The following C1orf167 variants were observed in gnomAD, a reference collection of about 807,000 sequenced individuals.
C1orf167 encodes the protein chromosome 1 open reading frame 167, also known as uncharacterized protein C1orf167.
C1orf167 carries 153 observed loss-of-function variants against 176.5 expected under a neutral mutation model. The observed-to-expected ratio is 0.87, with a 90% CI of 0.76 to 0.99. The LOEUF is 0.99. C1orf167 is among the 50% of genes least tolerant of loss of function. The pLI, the probability that C1orf167 is intolerant of heterozygous loss-of-function variation, is 0.00. For synonymous variants in C1orf167, 594 were observed against 752.7 expected (o/e 0.79, Z 3.45); for missense variants, 1,490 against 1,817.7 (o/e 0.82, Z 3.28).
chr1:11,789,088 C>A, intron 20 of C1orf167, 182 bp from the exon 21 acceptor site: 1 of 518,616 alleles, frequency 1.9e-6, no homozygotes, highest in Non-Finnish European at 3.2e-6. Context: ...AGCTTCCCAG[C>A]TCACCATCAG....
intron 20 of C1orf167, chr1:11,789,055 C>G (rs1316260658): frequency 4.6e-6 from 2 of 431,254 alleles, no homozygotes; most frequent in Non-Finnish European, 8.4e-6. Context: ...CGCCCCCTCC[C>G]TCATTTGCTC....
chr1:11,775,290 AAAC>A (rs1359457773), intron 8 of C1orf167, 142 bp from the exon 9 acceptor site: 25 of 581,058 alleles, frequency 4.3e-5, no homozygotes, highest in Middle Eastern at 6.3e-4. Flanking sequence ...CTCCGTCTAC[AAAC>A]AACAACAACA....
Position 11,766,814 on chromosome 1 carries a change from A to C in C1orf167, c.1028A>C (p.Gln343Pro), listed in dbSNP as rs192396656. The change falls in exon 3 of 21, where the codon CAG becomes CCG. Residue 343 changes from glutamine (Q) to proline (P), a missense_variant. Gln to Pro is a moderately conservative substitution (Grantham distance 76). Transcript: ENST00000688073. The surrounding 1 kb of genome is among the most constrained non-coding windows in gnomAD (Gnocchi z 4.5). ...ACCAAGGATTCCCTTAATCCTGAGC[A>C]GGGGCTCCCTCCTGCCCACCCCCTA... ...TRTKDSLNPE[Q>P]GLPPAHPLGS... The C allele has an allele frequency of 2.3e-4, 303 of 1,289,406 alleles. 1 individual carries two copies. In the East Asian group the frequency reaches 0.014, roughly 58 times the overall value. The allele number at this position is 1,289,406 out of a possible 1,614,324, so 79.9% of individuals were successfully genotyped here. A position where few individuals can be genotyped will look rare whatever the true frequency, so the allele number is the denominator to read the frequency against.
chr1:11,784,870 G>A (rs1366232542), intron 15 of C1orf167, among the ~76,000 whole-genome samples: 3 of 152,338 alleles, frequency 2.0e-5, no homozygotes, highest in Non-Finnish European at 4.4e-5. Context: ...CCATAAACGC[G>A]CTCTTGCCAG....
rs745782324 is a variant in C1orf167 at position 11,784,585 on chromosome 1, G to A, written c.3417G>A (p.Pro1139=). Reference sequence around the variant, plus strand: ...GCCGAGCCCATGCTTCCTGGAAGCCGCGAGCCTGGTGAGTGCTGTGGTCTA... The same window carrying A: ...GCCGAGCCCATGCTTCCTGGAAGCCACGAGCCTGGTGAGTGCTGTGGTCTA... ...QVSRAHASWK[P]RAWVLEASVQ... is the part of the protein sequence containing the mutation. The change falls in exon 15 of 21, where the codon CCG becomes CCA. Residue 1139 remains proline (P), a synonymous_variant. Transcript: ENST00000688073. 2.4e-4 allele frequency: 306 copies of A among 1,253,072 alleles called. 1 individual carries two copies. The highest frequency in any genetic ancestry group is 3.1e-4 in the Non-Finnish European group (299 of 962,982). The allele number at this position is 1,253,072 out of a possible 1,614,324, so 77.6% of individuals were successfully genotyped here. A position where few individuals can be genotyped will look rare whatever the true frequency, so the allele number is the denominator to read the frequency against.
At chr1:11,785,517 A>G (rs1039862121) in intron 16 of C1orf167, among the ~76,000 whole-genome samples, 4 of 151,918 alleles carry the variant, frequency 2.6e-5, no homozygotes, top group Admixed American at 2.0e-4. Flanking sequence ...CGTATGCACC[A>G]CCTCTCCCCA....
rs138288803 is a variant in C1orf167, at chr1:11,787,929, C to G, written c.3730C>G (p.Gln1244Glu). Residue 1244 changes from glutamine (Q) to glutamate (E), a missense_variant, in exon 18 of 21, where the codon CAG becomes GAG. By Grantham distance (29) the Gln-to-Glu change is conservative (BLOSUM62 2). Transcript: ENST00000688073. ...CCAGCTCTGGCCACAGTGGCCTGGA[C>G]AGAGTAGCTGGGTCCCAGGCCTGCC... ...AFQLWPQWPG[Q>E]SSWVPGLPLW... 2.3e-6 allele frequency: 3 copies of G among 1,302,680 alleles called. No individual in the cohort carries two copies. The highest frequency in any genetic ancestry group is 3.0e-6 in the Non-Finnish European group (3 of 988,132). The allele number at this position is 1,302,680 out of a possible 1,614,324, so 80.7% of individuals were successfully genotyped here.
Position 11,776,654 on chromosome 1 carries a change from C to G in C1orf167, c.2339+16C>G. 8.4e-7 allele frequency: 1 copy of G among 1,194,738 alleles called. No individual in the cohort carries two copies. Among genetic ancestry groups the G allele is most frequent in the African/African-American group, 1.6e-5 (1 of 61,434 alleles). The allele number at this position is 1,194,738 out of a possible 1,614,324, so 74.0% of individuals were successfully genotyped here. Reference sequence around the variant, plus strand: ...AGTGGGCCAAGTAGGTGTCCTCGAGCTTGTGACCTGGGGTTGGGCCTGGGG... The same window carrying G: ...AGTGGGCCAAGTAGGTGTCCTCGAGGTTGTGACCTGGGGTTGGGCCTGGGG... On this transcript the variant is annotated intron_variant, in intron 10 of 20. Transcript: ENST00000688073.
chr1:11,787,618 C>A, intron 17 of C1orf167, 125 bp downstream of exon 17: 2 of 789,026 alleles, frequency 2.5e-6, no homozygotes, highest in Non-Finnish European at 3.4e-6. Flanking sequence ...ACCATTCTCC[C>A]CATCCATTCC....
Position 11,778,719 on chromosome 1 carries a change from T to C in C1orf167, c.2399T>C (p.Leu800Ser), listed in dbSNP as rs545727889. The C allele has an allele frequency of 3.3e-5, 43 of 1,303,952 alleles. No homozygotes were observed. The African/African-American group carries it at 6.5e-4, about 20-fold the overall frequency. The allele number at this position is 1,303,952 out of a possible 1,614,324, so 80.8% of individuals were successfully genotyped here. Residue 800 changes from leucine to serine, a missense_variant, in exon 11 of 21, where the codon TTG becomes TCG. Physicochemically the swap from Leu to Ser is moderately radical, Grantham distance 145. Coordinates refer to ENST00000688073, the MANE Select transcript of C1orf167 (RefSeq NM_001010881.2). The stretch of plus-strand genomic sequence containing the variant: ...CAGCGCAGCCTGAGATGGTGGCACT[T>C]GAGGGCACTGGGCCCAGATGCCACA... The part of the protein sequence containing the change: ...MLQRSLRWWH[L>S]RALGPDATSS...
In C1orf167 at chr1:11,769,309, G is replaced by A. The variant is rs140345763; in HGVS notation, c.1697+182G>A. On this transcript the variant is annotated intron_variant, in intron 6 of 20. Coordinates refer to ENST00000688073, the MANE Select transcript of C1orf167 (RefSeq NM_001010881.2). ...ATTGTAAAAACTTCAAAACAGCCAG[G>A]CACGGTGGCTCACACCTATAATCCC... Among the ~76,000 whole-genome samples, 173 of 152,332 alleles carry A rather than the reference G, an allele frequency of 1.1e-3. 2 individuals carry two copies. Among genetic ancestry groups the A allele is most frequent in the African/African-American group, 4.0e-3 (168 of 41,582 alleles).
intron 6 of C1orf167, among the ~76,000 whole-genome samples, chr1:11,771,031 A>ATGTGTGTGTG (rs58020814): frequency 0.069 from 2,404 of 35,040 alleles, 130 homozygotes; most frequent in South Asian, 0.22. Flanking sequence ...GTGTGTGTGT[A>ATGTGTGTGTG]TGTGTGTGTG....
intron 13 of C1orf167, 117 bp from the exon 14 acceptor site, chr1:11,782,068 ACAGT>A (rs1557739747): frequency 1.1e-6 from 1 of 885,140 alleles, no homozygotes; most frequent in Non-Finnish European, 1.4e-6. Flanking sequence ...TTTAACCCAG[ACAGT>A]CAGGGTGGCC....
chr1:11,767,015 G>T lies in C1orf167; in HGVS notation c.1229G>T (p.Arg410Leu). 8.3e-7 allele frequency: 1 copy of T among 1,210,906 alleles called. No homozygotes were observed. The highest frequency in any genetic ancestry group is 1.1e-6 in the Non-Finnish European group (1 of 950,526). The allele number at this position is 1,210,906 out of a possible 1,614,324, so 75.0% of individuals were successfully genotyped here. ...QKGEEGAPRE[R>L]VHREEERTAF... ...GGAGAGGAGGGGGCCCCGAGGGAGC[G>T]GGTCCACAGGGAGGAGGAGAGGACA... Residue 410 changes from arginine to leucine, a missense_variant, in exon 3 of 21, where the codon CGG (arginine) becomes CTG (leucine). Coordinates refer to ENST00000688073, the MANE Select transcript of C1orf167 (RefSeq NM_001010881.2).
Position 11,788,584 on chromosome 1 carries a change from G to A in C1orf167, c.4079-68G>A, listed in dbSNP as rs1027101657. The A allele has an allele frequency of 2.4e-6, 3 of 1,244,222 alleles. No individual in the cohort carries two copies. The African/African-American group carries it at 4.6e-5, about 19-fold the overall frequency. 77.1% of individuals were successfully genotyped at this position (1,244,222 alleles called of 1,614,324 possible). On this transcript the variant is annotated intron_variant, in intron 19 of 20. Coordinates refer to ENST00000688073, the MANE Select transcript of C1orf167 (RefSeq NM_001010881.2). ...TGGTGCAGCAGTGTCGGGGGAGAAAGGCAGAAGGGCTGGGGACTGCGGGGG... is the reference window on the plus strand; with the variant it reads ...TGGTGCAGCAGTGTCGGGGGAGAAAAGCAGAAGGGCTGGGGACTGCGGGGG...
intron 2 of C1orf167, among the ~76,000 whole-genome samples, chr1:11,765,558 C>T (rs1418182283): frequency 1.7e-5 from 2 of 118,918 alleles, no homozygotes; most frequent in African/African-American, 3.0e-5. Context: ...TGAATCTTCT[C>T]TTTACCCACC....
At position 11,782,337 on chromosome 1, in the gene C1orf167, G is replaced by A; in HGVS notation, c.3005+4G>A. 1 of 1,244,900 alleles carries A rather than the reference G, an allele frequency of 8.0e-7. No homozygotes were observed. The highest frequency in any genetic ancestry group is 1.4e-5 in the South Asian group (1 of 72,146). 77.1% of individuals were successfully genotyped at this position (1,244,900 alleles called of 1,614,324 possible). ...CAGAGCAGCTGCTACTGCAGAGGTG[G>A]GTGGGCCTGGGGGTGGGAGGGTGTT... On this transcript the variant is annotated splice_donor_region_variant and intron_variant, in intron 14 of 20. Transcript: ENST00000688073.
intron 14 of C1orf167, 120 bp downstream of exon 14, chr1:11,782,453 A>T: frequency 1.0e-6 from 1 of 978,452 alleles, no homozygotes; most frequent in Non-Finnish European, 1.3e-6. Context: ...GGCCTGGGAA[A>T]AAAGGGGCAT....
chr1:11,787,834 AC>A, intron 17 of C1orf167, 38 bp from the exon 18 acceptor site: 2 of 1,191,636 alleles, frequency 1.7e-6, no homozygotes, highest in Non-Finnish European at 2.1e-6. Flanking sequence ...GCCTTCCTGG[AC>A]CCACCTTAAC....
Sources: allele counts gnomAD v4.1 joint callset (sites outside exome capture counted in the v4.1 genomes callset), GRCh38; gene constraint gnomAD v4.1.1; non-coding constraint Gnocchi (gnomAD v3.1); transcripts MANE v1.5; gene names NCBI Gene and HGNC (gene_info 2026-07-23, HGNC 2026-07-21).